Variants in PLD4 observed in about 807,000 individuals in gnomAD.
PLD4 encodes the protein 5'-3' exonuclease PLD4.
Under a neutral mutation model 52.3 loss-of-function variants are expected in PLD4, and 54 were observed. The observed-to-expected ratio is 1.03, with a 90% CI of 0.83 to 1.30. The LOEUF (loss-of-function observed/expected upper bound fraction) is 1.30. PLD4 is among the 50% of genes most tolerant of loss of function. The probability of loss-of-function intolerance (pLI) is 0.00; values close to 1 mark genes in which losing one functional copy is unlikely to be tolerated. For synonymous variants in PLD4, 264 were observed against 286.5 expected (o/e 0.92, Z 0.79); for missense variants, 731 against 671.1 (o/e 1.09, Z -0.99).
At position 104,931,892 on chromosome 14, in the gene PLD4, G is replaced by T; in HGVS notation, c.1058+5G>T. 1 of 1,536,544 alleles carries T rather than the reference G, an allele frequency of 6.5e-7. No homozygotes were observed. ...GCGCTTCAGCCACCCCCCGAGGTAG[G>T]TCTGAGTGGGAGGTGGGCGGCCTGC... On this transcript the variant is annotated splice_donor_5th_base_variant and intron_variant, in intron 8 of 10. Transcript: ENST00000392593.
At chr14:104,925,148 G>A (rs962318477) in intron 1 of PLD4, among the ~76,000 whole-genome samples, 158 bp downstream of exon 1, 2 of 152,264 alleles carry the variant, frequency 1.3e-5, no homozygotes, top group Non-Finnish European at 2.9e-5. Flanking sequence ...TCCCCAGTCC[G>A]TGCAGCTGGG....
At chr14:104,935,082 T>A (rs1193550633), downstream of PLD4, 1 of 152,282 alleles carries the variant, frequency 6.6e-6, no homozygotes, top group Admixed American at 6.5e-5. Flanking sequence ...CCCTCATTCA[T>A]GCTCCATATC....
intron 2 of PLD4, 79 bp from the exon 3 acceptor site, chr14:104,927,594 C>A: frequency 2.1e-6 from 3 of 1,421,634 alleles, no homozygotes; most frequent in Non-Finnish European, 1.9e-6. Flanking sequence ...TCTGTCTCAG[C>A]ACTGGAGGGG....
At chr14:104,928,616 A>T (rs1051167473) in intron 3 of PLD4, 133 bp from the exon 4 acceptor site, 1 of 889,346 alleles carries the variant, frequency 1.1e-6, no homozygotes, top group East Asian at 2.6e-5. Context: ...TACCCTGCAC[A>T]CTTGGCCTGG....
chr14:104,927,229 C>G lies in PLD4; in HGVS notation c.89C>G (p.Thr30Arg). 6.5e-7 allele frequency: 1 copy of G among 1,544,518 alleles called. No individual in the cohort carries two copies. The highest frequency in any genetic ancestry group is 1.2e-5 in the South Asian group (1 of 83,554). ...CGCCCGTGGGACAGAGAGGCTGGCA[C>G]GGTAGGACTGGGGGGCCCCAGGGGG... ...PRRPWDREAG[T>R]LQVLGALAVL... Residue 30 changes from threonine (T) to arginine (R), a missense_variant and splice_region_variant, in exon 2 of 11, where the codon ACG (threonine) becomes AGG (arginine). By Grantham distance (71) the Thr-to-Arg change is moderately conservative. Coordinates refer to ENST00000392593, the MANE Select transcript of PLD4 (RefSeq NM_138790.5).
At chr14:104,926,714 C>T (rs546807706) in intron 1 of PLD4, among the ~76,000 whole-genome samples, 7 of 152,362 alleles carry the variant, frequency 4.6e-5, no homozygotes, top group African/African-American at 1.2e-4. Context: ...CCCTTTCAGA[C>T]GCAGTTTCAG....
downstream of PLD4, chr14:104,933,514 CCA>C: frequency 6.6e-6 from 1 of 150,770 alleles, no homozygotes; most frequent in South Asian, 2.1e-4. Flanking sequence ...GGCGCGGAGC[CCA>C]CGCCCGGGAC....
rs749252923 is a variant in PLD4 at position 104,932,119 on chromosome 14, C to A, written c.1166C>A (p.Pro389His). ...CTCAACACGGACCCCACCATGTTCCCCTACCTGCGGTCCCTGCAGGCGCTC... is the reference window on the plus strand; with the variant it reads ...CTCAACACGGACCCCACCATGTTCCACTACCTGCGGTCCCTGCAGGCGCTC... ...CGLNTDPTMF[P>H]YLRSLQALSN... The change falls in exon 9 of 11, where the codon CCC becomes CAC. Residue 389 changes from proline (P) to histidine (H), a missense_variant. Pro to His is a moderately conservative substitution (Grantham distance 77, BLOSUM62 -2). Transcript: ENST00000392593. This position sits in a 1 kb window ranked among gnomAD's most constrained non-coding sequence, Gnocchi z 6.5. 1 of 1,611,442 alleles carries A rather than the reference C, an allele frequency of 6.2e-7. No individual in the cohort carries two copies. The highest frequency in any genetic ancestry group is 8.5e-7 in the Non-Finnish European group (1 of 1,179,408).
chr14:104,932,207 A>T lies in PLD4; in HGVS notation c.1224+30A>T. On this transcript the variant is annotated intron_variant, in intron 9 of 10. Coordinates refer to ENST00000392593, the MANE Select transcript of PLD4 (RefSeq NM_138790.5). This position sits in a 1 kb window ranked among gnomAD's most constrained non-coding sequence, Gnocchi z 6.5. ...GGGCGTGCTCCCGGCCGGGCGTGGGAAAGGCGGCCCTCCTGCCGCCCTTCC... is the reference window on the plus strand; with the variant it reads ...GGGCGTGCTCCCGGCCGGGCGTGGGTAAGGCGGCCCTCCTGCCGCCCTTCC... 1 of 1,612,102 alleles carries T rather than the reference A, an allele frequency of 6.2e-7. No homozygotes were observed.
In PLD4 at chr14:104,930,048, G is replaced by A. The variant is rs368041769; in HGVS notation, c.660G>A (p.Val220=). 4 of 1,613,526 alleles carry A rather than the reference G, an allele frequency of 2.5e-6. No homozygotes were observed. The highest frequency in any genetic ancestry group is 1.3e-5 in the African/African-American group (1 of 74,938). Residue 220 remains valine (V), a synonymous_variant, in exon 6 of 11, where the codon GTG becomes GTA. Transcript: ENST00000392593. ...RGVLHSKFWV[V]DGRHIYMGSA... ...TTTTGCACTCCAAATTCTGGGTTGT[G>A]GATGGACGGCACATATACATGGGCA...
rs1317753808 is a variant in PLD4 at position 104,928,912 on chromosome 14, A to G, written c.448A>G (p.Asn150Asp). ...WSLTGPDIGV[N>D]DSSSQLGEAL... ...CCTCACAGGGCCTGACATCGGGGTCAACGACTCGTCTTCCCAGCTGGTGCG... is the reference window on the plus strand; with the variant it reads ...CCTCACAGGGCCTGACATCGGGGTCGACGACTCGTCTTCCCAGCTGGTGCG... The change falls in exon 4 of 11, where the codon AAC becomes GAC. Residue 150 changes from asparagine to aspartate, a missense_variant. Coordinates refer to ENST00000392593, the MANE Select transcript of PLD4 (RefSeq NM_138790.5). 3 of 1,603,306 alleles carry G rather than the reference A, an allele frequency of 1.9e-6. No homozygotes were observed. The highest frequency in any genetic ancestry group is 2.6e-6 in the Non-Finnish European group (3 of 1,172,220).
chr14:104,927,587 G>T, intron 2 of PLD4, 86 bp from the exon 3 acceptor site: 1 of 1,399,736 alleles, frequency 7.1e-7, no homozygotes, highest in Admixed American at 2.3e-5. Flanking sequence ...GACGGTCTCT[G>T]TCTCAGCACT....
chr14:104,933,239 G>A (rs553459548), downstream of PLD4: 3 of 388,312 alleles, frequency 7.7e-6, no homozygotes, highest in Non-Finnish European at 1.4e-5. Context: ...GTGGCTTCCC[G>A]GTGCCTCTGT....
chr14:104,927,639 T>C (rs1897500191), intron 2 of PLD4, 34 bp from the exon 3 acceptor site: 5 of 1,519,808 alleles, frequency 3.3e-6, no homozygotes, highest in Non-Finnish European at 4.4e-6. Flanking sequence ...AGCCCCGCCC[T>C]GTCTGGTGAC....
chr14:104,931,876 C>T lies in PLD4; in HGVS notation c.1047C>T (p.Ser349=). The stretch of plus-strand genomic sequence containing the variant: ...AGTATTTCCCCACCACGCGCTTCAG[C>T]CACCCCCCGAGGTAGGTCTGAGTGG... ...VMEYFPTTRF[S]HPPRYWPVLD... is the part of the protein sequence containing the mutation. The change falls in exon 8 of 11, where the codon AGC becomes AGT. Residue 349 remains serine (S), a synonymous_variant. Coordinates refer to ENST00000392593, the MANE Select transcript of PLD4 (RefSeq NM_138790.5). 2 of 1,539,694 alleles carry T rather than the reference C, an allele frequency of 1.3e-6. No individual in the cohort carries two copies. The highest frequency in any genetic ancestry group is 2.3e-5 in the East Asian group (1 of 43,404).
At chr14:104,933,417 G>A (rs1278920190), downstream of PLD4, 1 of 155,976 alleles carries the variant, frequency 6.4e-6, no homozygotes, top group Non-Finnish European at 1.4e-5. Flanking sequence ...CTCCCAGGCG[G>A]AGCGAACCCT....
downstream of PLD4, chr14:104,937,730 G>A (rs963054340): frequency 1.5e-5 from 4 of 273,128 alleles, no homozygotes; most frequent in African/African-American, 8.8e-5. Context: ...TGTTCTGTTG[G>A]GTATTATGGA....
chr14:104,927,161 A>G lies in PLD4; in HGVS notation c.21A>G (p.Lys7=). Residue 7 remains lysine (K), a synonymous_variant, in exon 2 of 11, where the codon AAA becomes AAG. Transcript: ENST00000392593. ...TGCAGATGCTGAAGCCTCTTTGGAAAGCAGCAGTGGCCCCCACATGGCCAT... is the reference window on the plus strand; with the variant it reads ...TGCAGATGCTGAAGCCTCTTTGGAAGGCAGCAGTGGCCCCCACATGGCCAT... The part of the protein sequence containing the change: MLKPLW[K]AAVAPTWPCS... 1 of 1,560,160 alleles carries G rather than the reference A, an allele frequency of 6.4e-7. No individual in the cohort carries two copies. The highest frequency in any genetic ancestry group is 8.7e-7 in the Non-Finnish European group (1 of 1,152,320).
Position 104,927,659 on chromosome 14 carries a change from G to A in PLD4, c.91-14G>A. 1 of 1,565,590 alleles carries A rather than the reference G, an allele frequency of 6.4e-7. No individual in the cohort carries two copies. ...CGCCCTGTCTGGTGACCCTGCGGGT[G>A]CTGCCCCATCCAGTTGCAGGTCCTG... is the stretch of plus-strand genomic sequence containing the variant. On this transcript the variant is annotated splice_polypyrimidine_tract_variant and intron_variant, in intron 2 of 10. Coordinates refer to ENST00000392593, the MANE Select transcript of PLD4 (RefSeq NM_138790.5).
Sources: allele counts gnomAD v4.1 joint callset (sites outside exome capture counted in the v4.1 genomes callset), GRCh38; gene constraint gnomAD v4.1.1; non-coding constraint Gnocchi (gnomAD v3.1); transcripts MANE v1.5; gene names NCBI Gene and HGNC (gene_info 2026-07-23, HGNC 2026-07-21).